Variants in HS6ST3 observed in about 807,000 individuals in gnomAD.
HS6ST3 encodes the protein heparan sulfate 6-O-sulfotransferase 3, also known as heparan-sulfate 6-O-sulfotransferase 3.
In HS6ST3, 12 loss-of-function variants were observed where a neutral mutation model predicts 36.7. The observed-to-expected ratio is 0.33, with a 90% CI of 0.21 to 0.53. The LOEUF (loss-of-function observed/expected upper bound fraction) is 0.53. HS6ST3 is among the 20% of genes least tolerant of loss of function. HS6ST3 has a pLI of 0.95. For missense variants in HS6ST3, 584 were observed against 640.9 expected (o/e 0.91, Z 0.96); for synonymous variants, 240 against 257.5 (o/e 0.93, Z 0.65).
chr13:96,829,707 C>A, intron 1 of HS6ST3, among the ~76,000 whole-genome samples: 1 of 152,140 alleles, frequency 6.6e-6, no homozygotes, highest in East Asian at 1.9e-4. Flanking sequence ...ATATATACCA[C>A]ATTTTCTTTA....
At chr13:96,618,003 T>TACA (rs1277853518) in intron 1 of HS6ST3, among the ~76,000 whole-genome samples, 4 of 152,208 alleles carry the variant, frequency 2.6e-5, no homozygotes, top group Non-Finnish European at 5.9e-5. Flanking sequence ...CTCAATAGTA[T>TACA]ACATGGGTTT....
intron 1 of HS6ST3, among the ~76,000 whole-genome samples, chr13:96,578,495 C>T (rs1481489035): frequency 6.6e-6 from 1 of 152,122 alleles, no homozygotes; most frequent in Non-Finnish European, 1.5e-5. Flanking sequence ...TGTTTTCTGC[C>T]GTTTCCTTTG....
intron 1 of HS6ST3, among the ~76,000 whole-genome samples, chr13:96,176,723 A>G (rs1474524514): frequency 2.6e-5 from 4 of 152,202 alleles, no homozygotes; most frequent in Non-Finnish European, 5.9e-5. Flanking sequence ...GCAGGGAAGC[A>G]AAAAGAGATG....
At chr13:96,161,024 G>T (rs2054133260) in intron 1 of HS6ST3, among the ~76,000 whole-genome samples, 1 of 152,116 alleles carries the variant, frequency 6.6e-6, no homozygotes, top group Non-Finnish European at 1.5e-5. Context: ...TTAATTCCTT[G>T]AAATTAATTT....
intron 1 of HS6ST3, among the ~76,000 whole-genome samples, chr13:96,745,588 G>A (rs576427388): frequency 3.3e-5 from 5 of 152,106 alleles, no homozygotes; most frequent in African/African-American, 9.7e-5. Flanking sequence ...TGCCCCCATT[G>A]AAATTGGTTT....
At chr13:96,471,251 G>A (rs187240028) in intron 1 of HS6ST3, among the ~76,000 whole-genome samples, 14 of 152,238 alleles carry the variant, frequency 9.2e-5, no homozygotes, top group African/African-American at 2.6e-4. Flanking sequence ...CTGCCTTCAG[G>A]GGCCAAATAA....
At chr13:96,095,863 GGTGTGTGTGTGTGT>G (rs141939376) in intron 1 of HS6ST3, among the ~76,000 whole-genome samples, 11 of 140,408 alleles carry the variant, frequency 7.8e-5, no homozygotes, top group Admixed American at 2.2e-4. Context: ...TTATATGACT[GGTGTGTGTGTGTGT>G]GTGTGTGTGT....
intron 1 of HS6ST3, among the ~76,000 whole-genome samples, chr13:96,197,793 T>C (rs2054321619): frequency 6.6e-6 from 1 of 152,102 alleles, no homozygotes; most frequent in Admixed American, 6.5e-5. Flanking sequence ...TCTCCAGCTT[T>C]CATGGGCTGG....
At chr13:96,282,191 A>T (rs1233964210) in intron 1 of HS6ST3, among the ~76,000 whole-genome samples, 2 of 152,236 alleles carry the variant, frequency 1.3e-5, no homozygotes, top group East Asian at 1.9e-4. Context: ...TCATGCAAAG[A>T]TGTGAGAATG....
intron 1 of HS6ST3, among the ~76,000 whole-genome samples, chr13:96,827,865 A>G (rs1386507244): frequency 1.3e-5 from 2 of 152,334 alleles, no homozygotes; most frequent in Middle Eastern, 3.4e-3. Flanking sequence ...TGGAAGGTCC[A>G]TGGCCAATTT....
intron 1 of HS6ST3, among the ~76,000 whole-genome samples, chr13:96,195,691 G>C (rs900291702): frequency 6.6e-6 from 1 of 152,186 alleles, no homozygotes; most frequent in Non-Finnish European, 1.5e-5. Flanking sequence ...AGCATTTGCT[G>C]TAGAGCCAGT....
intron 1 of HS6ST3, among the ~76,000 whole-genome samples, chr13:96,747,721 A>G (rs1876595748): frequency 6.6e-6 from 1 of 152,062 alleles, no homozygotes; most frequent in South Asian, 2.1e-4. Flanking sequence ...GGGAGAAACC[A>G]TTTTGTAGTG....
chr13:96,223,023 T>C (rs1379794043), intron 1 of HS6ST3, among the ~76,000 whole-genome samples: 2 of 152,212 alleles, frequency 1.3e-5, no homozygotes, highest in Non-Finnish European at 2.9e-5. Flanking sequence ...GATTTGGAAA[T>C]GGAATATGAC....
chr13:96,230,550 G>T (rs2054503099), intron 1 of HS6ST3, among the ~76,000 whole-genome samples: 1 of 152,120 alleles, frequency 6.6e-6, no homozygotes, highest in Non-Finnish European at 1.5e-5. Context: ...TGGGAGCTGA[G>T]GAAACAGGTC....
At chr13:96,389,589 G>A (rs1376689246) in intron 1 of HS6ST3, among the ~76,000 whole-genome samples, 1 of 152,162 alleles carries the variant, frequency 6.6e-6, no homozygotes, top group East Asian at 1.9e-4. Flanking sequence ...AGAAAGATAA[G>A]TAGGGAATTT....
intron 1 of HS6ST3, among the ~76,000 whole-genome samples, chr13:96,498,951 T>G (rs1185760012): frequency 6.6e-6 from 1 of 152,232 alleles, no homozygotes; most frequent in African/African-American, 2.4e-5. Context: ...TCTTTCAGAT[T>G]CTTATGAATT....
chr13:96,142,989 A>G (rs1350279701), intron 1 of HS6ST3, among the ~76,000 whole-genome samples: 1 of 152,142 alleles, frequency 6.6e-6, no homozygotes, highest in Non-Finnish European at 1.5e-5. Flanking sequence ...GATGACTTAC[A>G]TATTTTACCT....
intron 1 of HS6ST3, among the ~76,000 whole-genome samples, chr13:96,615,335 C>A (rs1416260169): frequency 1.3e-5 from 2 of 152,158 alleles, no homozygotes; most frequent in African/African-American, 4.8e-5. Context: ...TCTTTTTACC[C>A]ACCCTTCAAA....
At chr13:96,751,853 C>T (rs952682540) in intron 1 of HS6ST3, among the ~76,000 whole-genome samples, 8 of 148,572 alleles carry the variant, frequency 5.4e-5, no homozygotes, top group Non-Finnish European at 1.0e-4. Context: ...ATTTATACTG[C>T]ATAACATAGC....
Sources: allele counts gnomAD v4.1 joint callset (sites outside exome capture counted in the v4.1 genomes callset), GRCh38; gene constraint gnomAD v4.1.1; transcripts MANE v1.5; gene names NCBI Gene and HGNC (gene_info 2026-07-23, HGNC 2026-07-21).